Variants in ORC3 observed in about 807,000 individuals in gnomAD.
ORC3 encodes the protein origin recognition complex subunit 3.
Under a neutral mutation model 100.7 loss-of-function variants are expected in ORC3, and 78 were observed. The ratio of observed to expected loss-of-function variants is 0.77; its 90% CI spans 0.65 to 0.94. ORC3 has a LOEUF of 0.94. Ranked by LOEUF, ORC3 falls within the 40% of genes least tolerant of loss-of-function variation. The probability of loss-of-function intolerance (pLI) is 0.00; values close to 1 mark genes in which losing one functional copy is unlikely to be tolerated. For synonymous variants in ORC3, 295 were observed against 289.3 expected (o/e 1.02, Z -0.20); for missense variants, 789 against 823.9 (o/e 0.96, Z 0.52).
At chr6:87,636,349 C>A in intron 12 of ORC3, 58 bp from the exon 13 acceptor site, 2 of 971,376 alleles carry the variant, frequency 2.1e-6, no homozygotes, top group South Asian at 1.4e-5. Flanking sequence ...ATGATTTTTG[C>A]CAAACTAGTA....
chr6:87,603,816 G>A (rs993550628), intron 4 of ORC3, among the ~76,000 whole-genome samples: 1 of 152,056 alleles, frequency 6.6e-6, no homozygotes, highest in Non-Finnish European at 1.5e-5. Context: ...CTCTTTCTTT[G>A]TAGATACATT....
rs561393856 is a variant in ORC3, at chr6:87,605,780, A to G, written c.323-137A>G. The G allele has an allele frequency of 2.8e-4, 153 of 555,268 alleles. 1 individual carries two copies. In the Middle Eastern group the frequency reaches 5.9e-3, roughly 21 times the overall value. The allele number at this position is 555,268 out of a possible 1,614,324, so 34.4% of individuals were successfully genotyped here. On this transcript the variant is annotated intron_variant, in intron 4 of 19. Transcript: ENST00000392844. ...GCTATTGTTAATGGATATCATTTAT[A>G]TAGTATATTTCCTTGGTTTCTGTTA...
intron 13 of ORC3, 22 bp from the exon 14 acceptor site, chr6:87,653,094 C>G: frequency 1.3e-6 from 2 of 1,550,778 alleles, no homozygotes; most frequent in Non-Finnish European, 1.8e-6. Flanking sequence ...TATTACATTT[C>G]CTGTCACTGA....
rs755232597 is a variant in ORC3, at chr6:87,634,875, C to T, written c.1216C>T (p.His406Tyr). ...AACACAATTATTACTAGAAAACCTGCATGTTTATCATATGAATTACTTCCT... is the reference window on the plus strand; with the variant it reads ...AACACAATTATTACTAGAAAACCTGTATGTTTATCATATGAATTACTTCCT... ...EETQLLLENL[H>Y]VYHMNYFLVL... is the part of the protein sequence containing the mutation. Residue 406 changes from histidine to tyrosine, a missense_variant, in exon 12 of 20, where the codon CAT becomes TAT. His to Tyr is a moderately conservative substitution (Grantham distance 83). Transcript: ENST00000392844. The T allele has an allele frequency of 1.3e-6, 2 of 1,587,610 alleles. No homozygotes were observed. The highest frequency in any genetic ancestry group is 1.7e-6 in the Non-Finnish European group (2 of 1,156,502).
chr6:87,602,954 A>ATATATATATATATAT (rs1554236515), intron 3 of ORC3, among the ~76,000 whole-genome samples: 4 of 95,300 alleles, frequency 4.2e-5, no homozygotes, highest in African/African-American at 1.7e-4. Context: ...ACACATATAT[A>ATATATATATATATAT]ATATATATAT....
chr6:87,594,145 A>G (rs1562313174), intron 1 of ORC3, among the ~76,000 whole-genome samples: 1 of 152,184 alleles, frequency 6.6e-6, no homozygotes, highest in East Asian at 1.9e-4. Context: ...GAGGGAGGGG[A>G]GAGAGTAGAT....
At chr6:87,648,249 T>A (rs1417059091) in intron 13 of ORC3, among the ~76,000 whole-genome samples, 1 of 152,136 alleles carries the variant, frequency 6.6e-6, no homozygotes, top group Non-Finnish European at 1.5e-5. Context: ...AAGTGCTTGC[T>A]ATAGTCATTC....
At chr6:87,667,655 G>A (rs1450171043), downstream of ORC3, among the ~76,000 whole-genome samples, 3 of 151,708 alleles carry the variant, frequency 2.0e-5, no homozygotes, top group Non-Finnish European at 2.9e-5. Context: ...AAGGCCAGGC[G>A]TGGTGGCTCA....
intron 4 of ORC3, 109 bp from the exon 5 acceptor site, chr6:87,605,804 TATTA>T (rs1247666890): frequency 1.6e-6 from 1 of 615,202 alleles, no homozygotes; most frequent in African/African-American, 1.9e-5. Context: ...TGGTTTCTGT[TATTA>T]ATCATTTTTT....
chr6:87,617,058 G>A lies in ORC3; in HGVS notation c.987+631G>A, dbSNP rs1164269698. Among the ~76,000 whole-genome samples the A allele has an allele frequency of 3.9e-5, 6 of 152,170 alleles. No individual in the cohort carries two copies. In the East Asian group the frequency reaches 9.6e-4, roughly 24 times the overall value. ...GGTGATCCACCCACCTTGGTTCCCA[G>A]AGTGCTGGGATTACAGGCCTGAGCC... On this transcript the variant is annotated intron_variant, in intron 9 of 19. Coordinates refer to ENST00000392844, the MANE Select transcript of ORC3 (RefSeq NM_012381.4).
chr6:87,665,571 A>C, intron 18 of ORC3, among the ~76,000 whole-genome samples, 183 bp from the exon 19 acceptor site: 1 of 152,240 alleles, frequency 6.6e-6, no homozygotes, highest in African/African-American at 2.4e-5. Flanking sequence ...TTATTCAGGA[A>C]CCATTACTTT....
At chr6:87,590,214 C>T in intron 1 of ORC3, 22 bp downstream of exon 1, 4 of 1,611,986 alleles carry the variant, frequency 2.5e-6, no homozygotes, top group Non-Finnish European at 3.4e-6. Context: ...CCGATGCGCA[C>T]TGTGGCTCTA....
rs762558281 is a variant in ORC3 at position 87,609,104 on chromosome 6, C to T, written c.588C>T (p.Asp196=). 3.3e-5 allele frequency: 53 copies of T among 1,600,256 alleles called. No individual in the cohort carries two copies. The highest frequency in any genetic ancestry group is 4.4e-5 in the Non-Finnish European group (52 of 1,176,542). Residue 196 remains aspartate, a synonymous_variant, in exon 7 of 20, where the codon GAC becomes GAT. Coordinates refer to ENST00000392844, the MANE Select transcript of ORC3 (RefSeq NM_012381.4). ...SWYMTVTQKT[D]PKMLSKKRTT... ...CTGCAATGGCTTAAAAGAAGACGGA[C>T]CCAAAAATGCTAAGCAAAAAAAGGA...
chr6:87,663,190 G>A (rs377125049), intron 17 of ORC3, 46 bp downstream of exon 17: 2 of 1,474,786 alleles, frequency 1.4e-6, no homozygotes, highest in South Asian at 1.2e-5. Context: ...CAGACTCTGG[G>A]CGTCATTGTC....
At chr6:87,651,184 C>T (rs1355840073) in intron 13 of ORC3, 1 of 456,196 alleles carries the variant, frequency 2.2e-6, no homozygotes, top group Non-Finnish European at 4.4e-6. Context: ...CTAGGTTTGG[C>T]CTTCCTTGAT....
chr6:87,677,690 G>T, the ORC3 span: 1 of 1,184,738 alleles, frequency 8.4e-7, no homozygotes. Context: ...TTTCTTTCCT[G>T]AACTGAAATT....
intron 7 of ORC3, 92 bp downstream of exon 7, chr6:87,609,321 C>A: frequency 1.3e-6 from 1 of 799,980 alleles, no homozygotes; most frequent in Non-Finnish European, 1.9e-6. Context: ...ATTTTAATAC[C>A]AACTGGATAA....
chr6:87,642,359 G>A (rs1268140809), intron 13 of ORC3, among the ~76,000 whole-genome samples: 1 of 152,134 alleles, frequency 6.6e-6, no homozygotes, highest in African/African-American at 2.4e-5. Flanking sequence ...GGGAGGCTGA[G>A]GTGGGTGGAT....
At chr6:87,676,447 C>CA in the ORC3 span, among the ~76,000 whole-genome samples, 6,409 of 41,862 alleles carry the variant, frequency 0.15, 533 homozygotes, top group Non-Finnish European at 0.16. Flanking sequence ...GCCTGGGCAA[C>CA]AAAAAAAAAA....
Sources: allele counts gnomAD v4.1 joint callset (sites outside exome capture counted in the v4.1 genomes callset), GRCh38; gene constraint gnomAD v4.1.1; transcripts MANE v1.5; gene names NCBI Gene and HGNC (gene_info 2026-07-23, HGNC 2026-07-21).